RAB44: variants seen among roughly 807,000 people sequenced by gnomAD.
RAB44 encodes the protein ras-related protein Rab-44.
A neutral mutation model predicts 93.3 loss-of-function variants in RAB44; 67 were observed. That is an observed-to-expected ratio of 0.72 (90% CI 0.59 to 0.88). The LOEUF is 0.88. Ranked by LOEUF, RAB44 falls within the 40% of genes least tolerant of loss-of-function variation. The pLI is 0.00. For missense variants in RAB44, 1,064 were observed against 1,261.7 expected (o/e 0.84, Z 2.37); for synonymous variants, 427 against 520.3 (o/e 0.82, Z 2.44).
chr6:36,722,613 C>T lies in RAB44; in HGVS notation c.2479C>T (p.Gln827Ter). The change falls in exon 9 of 14, where the codon CAG (glutamine) becomes TAG (stop). Residue 827 changes from glutamine to a stop codon, truncating the protein, a stop_gained. Coordinates refer to ENST00000612677, the MANE Select transcript of RAB44 (RefSeq NM_001257357.2). LOFTEE classifies it high-confidence loss of function. The stretch of plus-strand genomic sequence containing the variant: ...AGACCCCATGGCTGGAGGGGGACCC[C>T]AGGCCAACCCTGATTACCTCTTCCA... ...PGDPMAGGGP[Q>*]ANPDYLFHVI... 6.4e-7 allele frequency: 1 copy of T among 1,550,640 alleles called. No individual in the cohort carries two copies. Among genetic ancestry groups the T allele is most frequent in the South Asian group, 1.2e-5 (1 of 84,062 alleles).
chr6:36,705,204 A>C (rs1201532715), intron 2 of RAB44, among the ~76,000 whole-genome samples: 1 of 152,096 alleles, frequency 6.6e-6, no homozygotes, highest in Non-Finnish European at 1.5e-5. Context: ...ACAGAAAACT[A>C]TTAGGATAAA....
chr6:36,705,474 C>T (rs780398800), intron 2 of RAB44, among the ~76,000 whole-genome samples: 1 of 148,518 alleles, frequency 6.7e-6, no homozygotes, highest in East Asian at 2.1e-4. Flanking sequence ...CCTCTGCCTC[C>T]CAGGTTCAAG....
At chr6:36,715,677 T>C in intron 4 of RAB44, 24 bp downstream of exon 4, 1 of 1,533,158 alleles carries the variant, frequency 6.5e-7, no homozygotes, top group Non-Finnish European at 8.7e-7. Context: ...GGCATGTGCA[T>C]GGGGAGAGGC....
chr6:36,703,528 G>A (rs1762562718), intron 1 of RAB44, among the ~76,000 whole-genome samples: 1 of 152,138 alleles, frequency 6.6e-6, no homozygotes, highest in Admixed American at 6.5e-5. Flanking sequence ...AGGGAATCAG[G>A]AATTCCAGGA....
At position 36,704,430 on chromosome 6, in the gene RAB44, C is replaced by T. The variant is rs768763728; in HGVS notation, c.195C>T (p.Arg65=). 6.6e-5 allele frequency: 102 copies of T among 1,535,366 alleles called. No homozygotes were observed. The highest frequency in any genetic ancestry group is 8.5e-5 in the Non-Finnish European group (97 of 1,146,768). The change falls in exon 2 of 14, where the codon CGC becomes CGT. Residue 65 remains arginine (R), a synonymous_variant. Coordinates refer to ENST00000612677, the MANE Select transcript of RAB44 (RefSeq NM_001257357.2). ...CCAAGGAGAGGGGCTTTGTCACCCG[C>T]GAGGACCTGGCGGTGAGCCCAAGAC... is the stretch of plus-strand genomic sequence containing the variant. The part of the protein sequence containing the change: ...CGAKERGFVT[R]EDLAVAKFSF...
Position 36,732,629 on chromosome 6 carries a change from T to C in RAB44, c.*536T>C, listed in dbSNP as rs87152. On this transcript the variant is annotated 3_prime_UTR_variant, in exon 14 of 14. Transcript: ENST00000612677. The stretch of plus-strand genomic sequence containing the variant: ...TTAGAGCGGTCCCTCTGTGCTCTGC[T>C]TGGCAGGGCGCTGTTGGCCTGGTCT... 0.46 allele frequency: 70,645 copies of C among 151,994 alleles called. 16,543 individuals carry two copies. Among genetic ancestry groups the C allele is most frequent in the Middle Eastern group, 0.52 (152 of 292 alleles). The allele number at this position is 151,994 out of a possible 1,614,324, so 9.4% of individuals were successfully genotyped here.
chr6:36,730,605 CG>C, intron 12 of RAB44, 67 bp from the exon 13 acceptor site: 1 of 995,640 alleles, frequency 1.0e-6, no homozygotes, highest in Non-Finnish European at 1.3e-6. Context: ...ACTTTAGTGG[CG>C]GGGTATGGCC....
chr6:36,720,297 C>T lies in RAB44; in HGVS notation c.829-66C>T, dbSNP rs1364317676. The T allele has an allele frequency of 2.5e-6, 3 of 1,210,724 alleles. No individual in the cohort carries two copies. The African/African-American group carries it at 4.7e-5, about 19-fold the overall frequency. 75.0% of individuals were successfully genotyped at this position (1,210,724 alleles called of 1,614,324 possible). A position where few individuals can be genotyped will look rare whatever the true frequency, so the allele number is the denominator to read the frequency against. ...GTGGGGGTCTGTGTCCCACAATGGC[C>T]TTGGGAGGCTTTTTGCGCCCTGGAG... On this transcript the variant is annotated intron_variant, in intron 7 of 13. Coordinates refer to ENST00000612677, the MANE Select transcript of RAB44 (RefSeq NM_001257357.2).
chr6:36,722,636 C>T lies in RAB44; in HGVS notation c.2502C>T (p.Phe834=). 6.4e-7 allele frequency: 1 copy of T among 1,550,676 alleles called. No homozygotes were observed. Among genetic ancestry groups the T allele is most frequent in the Non-Finnish European group, 8.7e-7 (1 of 1,147,012 alleles). The change falls in exon 9 of 14, where the codon TTC becomes TTT. Residue 834 remains phenylalanine, a synonymous_variant. Coordinates refer to ENST00000612677, the MANE Select transcript of RAB44 (RefSeq NM_001257357.2). ...CCCAGGCCAACCCTGATTACCTCTTCCATGTCATCTTTCTGGGAGACTCCA... is the reference window on the plus strand; with the variant it reads ...CCCAGGCCAACCCTGATTACCTCTTTCATGTCATCTTTCTGGGAGACTCCA... ...GGPQANPDYL[F]HVIFLGDSNV...
Position 36,722,382 on chromosome 6 carries a change from G to A in RAB44, c.2248G>A (p.Ala750Thr). ...APPRGSPPRG[A>T]QPGAGAGPQE... ...TCCAAGGGGCTCTCCTCCCAGGGGG[G>A]CTCAGCCTGGGGCTGGAGCAGGACC... Residue 750 changes from alanine (A) to threonine (T), a missense_variant, in exon 9 of 14, where the codon GCT (alanine) becomes ACT (threonine). Physicochemically the swap from Ala to Thr is moderately conservative, Grantham distance 58. Coordinates refer to ENST00000612677, the MANE Select transcript of RAB44 (RefSeq NM_001257357.2). 6.6e-6 allele frequency: 9 copies of A among 1,368,324 alleles called. No homozygotes were observed. In the Admixed American group the frequency reaches 1.3e-4, roughly 19 times the overall value. 84.8% of individuals were successfully genotyped at this position (1,368,324 alleles called of 1,614,324 possible).
rs1763393442 is a variant in RAB44, at chr6:36,732,959, ACT to A, written c.*868_*869del. 1 of 152,160 alleles carries A rather than the reference ACT, an allele frequency of 6.6e-6. No homozygotes were observed. Among genetic ancestry groups the A allele is most frequent in the African/African-American group, 2.4e-5 (1 of 41,414 alleles). The allele number at this position is 152,160 out of a possible 1,614,324, so 9.4% of individuals were successfully genotyped here. On this transcript the variant is annotated 3_prime_UTR_variant, in exon 14 of 14. Transcript: ENST00000612677. Reference sequence around the variant, plus strand: ...GGGTCCAAGCAGCTGGGGAGCCGAGACTCAGAATCATTCACACACTTCTATTT... The same window carrying A: ...GGGTCCAAGCAGCTGGGGAGCCGAGACAGAATCATTCACACACTTCTATTT...
At chr6:36,728,942 GT>G (rs1423639406) in intron 12 of RAB44, 141 bp downstream of exon 12, 1 of 695,076 alleles carries the variant, frequency 1.4e-6, no homozygotes, top group East Asian at 2.7e-5. Flanking sequence ...CCAAAGGCCT[GT>G]TCAGAGTGGA....
rs7739920 is a variant in RAB44 at position 36,723,472 on chromosome 6, G to A, written c.2599+739G>A. On this transcript the variant is annotated intron_variant, in intron 9 of 13. Transcript: ENST00000612677. The stretch of plus-strand genomic sequence containing the variant: ...TCAGTGGCTCCTGCAAGAAATGGCC[G>A]AAAGCAGAGAGCCTTCCCTCCCTAA... Among the ~76,000 whole-genome samples, 811 of 152,110 alleles carry A rather than the reference G, an allele frequency of 5.3e-3. 9 individuals carry two copies. The highest frequency in any genetic ancestry group is 0.018 in the African/African-American group (744 of 41,488).
rs1457889436 is a variant in RAB44, at chr6:36,718,048, G to A, written c.662G>A (p.Arg221His). 9.7e-6 allele frequency: 12 copies of A among 1,231,988 alleles called. No individual in the cohort carries two copies. The highest frequency in any genetic ancestry group is 3.1e-5 in the African/African-American group (2 of 64,394). The allele number at this position is 1,231,988 out of a possible 1,614,324, so 76.3% of individuals were successfully genotyped here. The change falls in exon 6 of 14, where the codon CGC becomes CAC. Residue 221 changes from arginine to histidine, a missense_variant. By Grantham distance (29) the Arg-to-His change is conservative. Transcript: ENST00000612677. ...CCCAGGCGTGACTCTGACCACCACC[G>A]CGAGGTCCAGCAGCTCTATGAGGAG... ...TLRKRDSDHH[R>H]EVQQLYEEME... is the part of the protein sequence containing the mutation.
At chr6:36,703,028 A>G (rs1172197087) in intron 1 of RAB44, among the ~76,000 whole-genome samples, 5 of 152,204 alleles carry the variant, frequency 3.3e-5, no homozygotes, top group African/African-American at 4.8e-5. Context: ...TACCGCAGAT[A>G]CCATAGAATG....
chr6:36,728,856 T>C, intron 12 of RAB44, 55 bp downstream of exon 12: 1 of 1,386,764 alleles, frequency 7.2e-7, no homozygotes, highest in Non-Finnish European at 1.0e-6. Context: ...GACACCTCCC[T>C]GGCAGGTGGT....
In RAB44 at chr6:36,727,624, T is replaced by G. The variant is rs1763269365; in HGVS notation, c.2729T>G (p.Val910Gly). ...RQLLRKADGVVLMYDITSQES... is the reference protein window; with the variant it reads ...RQLLRKADGVGLMYDITSQES... ...CTGCTCCGCAAGGCTGACGGGGTGG[T>G]GCTCATGTACGACATCACCTCCCAG... The change falls in exon 11 of 14, where the codon GTG becomes GGG. Residue 910 changes from valine (V) to glycine (G), a missense_variant. Physicochemically the swap from Val to Gly is moderately radical, Grantham distance 109. Transcript: ENST00000612677. 1 of 1,550,434 alleles carries G rather than the reference T, an allele frequency of 6.4e-7. No individual in the cohort carries two copies. Among genetic ancestry groups the G allele is most frequent in the South Asian group, 1.2e-5 (1 of 84,070 alleles).
chr6:36,704,580 T>C, intron 2 of RAB44, 138 bp downstream of exon 2: 1 of 750,990 alleles, frequency 1.3e-6, no homozygotes. Flanking sequence ...ACGCTAGGGA[T>C]GTGTTTATAC....
rs886962000 is a variant in RAB44, at chr6:36,720,499, G to A, written c.965G>A (p.Arg322His). 7 of 1,233,406 alleles carry A rather than the reference G, an allele frequency of 5.7e-6. No individual in the cohort carries two copies. The highest frequency in any genetic ancestry group is 2.5e-4 in the Middle Eastern group (1 of 3,946). 76.4% of individuals were successfully genotyped at this position (1,233,406 alleles called of 1,614,324 possible). A position where few individuals can be genotyped will look rare whatever the true frequency, so the allele number is the denominator to read the frequency against. The change falls in exon 8 of 14, where the codon CGC (arginine) becomes CAC (histidine). Residue 322 changes from arginine to histidine, a missense_variant. By Grantham distance (29) the Arg-to-His change is conservative. Coordinates refer to ENST00000612677, the MANE Select transcript of RAB44 (RefSeq NM_001257357.2). ...VRGQLQVTRG[R>H]LDAARGRVSW... Reference sequence around the variant, plus strand: ...GGGCAGCTGCAGGTGACCAGGGGGCGCCTGGACGCCGCCAGGGGCCGGGTG... The same window carrying A: ...GGGCAGCTGCAGGTGACCAGGGGGCACCTGGACGCCGCCAGGGGCCGGGTG...
Sources: allele counts gnomAD v4.1 joint callset (sites outside exome capture counted in the v4.1 genomes callset), GRCh38; gene constraint gnomAD v4.1.1; transcripts MANE v1.5; gene names NCBI Gene and HGNC (gene_info 2026-07-23, HGNC 2026-07-21).